Variants in CLIC5 observed in about 807,000 individuals in gnomAD.
CLIC5 encodes chloride intracellular channel protein 5.
Under a neutral mutation model 24.7 loss-of-function variants are expected in CLIC5, and 20 were observed. The observed-to-expected ratio is 0.81, with a 90% CI of 0.57 to 1.18. The LOEUF (loss-of-function observed/expected upper bound fraction) is 1.18, where lower values mean the gene tolerates loss of function less well. Among genes scored for constraint, CLIC5 ranks in the 50% most tolerant of loss-of-function variants. The pLI is 0.00. For missense variants in CLIC5, 341 were observed against 326.1 expected (o/e 1.05, Z -0.35); for synonymous variants, 159 against 135.6 (o/e 1.17, Z -1.20).
At chr6:46,040,615 G>A (rs577834707) in intron 1 of CLIC5, among the ~76,000 whole-genome samples, 2 of 152,100 alleles carry the variant, frequency 1.3e-5, no homozygotes, top group African/African-American at 2.4e-5. Flanking sequence ...GATGGTGGTG[G>A]TGGATGACGA....
At chr6:45,962,169 A>G (rs968517869) in intron 1 of CLIC5, among the ~76,000 whole-genome samples, 2 of 149,868 alleles carry the variant, frequency 1.3e-5, no homozygotes, top group Admixed American at 6.7e-5. Flanking sequence ...ATAACATAAT[A>G]TTATATATAT....
intron 1 of CLIC5, among the ~76,000 whole-genome samples, chr6:45,959,283 T>G (rs1183441439): frequency 6.6e-6 from 1 of 152,200 alleles, no homozygotes; most frequent in African/African-American, 2.4e-5. Context: ...GTTATTGATA[T>G]TTACCGTGTT....
At chr6:46,080,619 A>C (rs904707871), upstream of CLIC5, among the ~76,000 whole-genome samples, 2 of 152,146 alleles carry the variant, frequency 1.3e-5, no homozygotes, top group African/African-American at 4.8e-5. Flanking sequence ...TCATCAATAG[A>C]GCTCCCTCCT....
At chr6:46,038,106 A>G (rs1767712039) in intron 1 of CLIC5, among the ~76,000 whole-genome samples, 1 of 152,166 alleles carries the variant, frequency 6.6e-6, no homozygotes, top group African/African-American at 2.4e-5. Flanking sequence ...GCTATTCTTC[A>G]GTATTAGATA....
intron 6 of CLIC5, among the ~76,000 whole-genome samples, chr6:45,889,527 G>T (rs1299638975): frequency 6.6e-6 from 1 of 152,132 alleles, no homozygotes; most frequent in Non-Finnish European, 1.5e-5. Context: ...AGAAGGTGGG[G>T]CAGTAAGGGT....
intron 1 of CLIC5, among the ~76,000 whole-genome samples, chr6:46,057,785 G>A (rs1768301343): frequency 1.3e-5 from 2 of 152,196 alleles, no homozygotes; most frequent in South Asian, 4.1e-4. Context: ...TACACAATTA[G>A]TGGTGTTTAG....
intron 3 of CLIC5, 26 bp downstream of exon 3, chr6:45,949,229 CA>C: frequency 6.2e-7 from 1 of 1,605,560 alleles, no homozygotes; most frequent in South Asian, 1.1e-5. Flanking sequence ...TCCCATTCAA[CA>C]GCCCCAGAAA....
intron 1 of CLIC5, among the ~76,000 whole-genome samples, chr6:46,056,332 C>G (rs1267256371): frequency 6.6e-6 from 1 of 152,054 alleles, no homozygotes; most frequent in African/African-American, 2.4e-5. Context: ...AAAAAGTTCC[C>G]CTTCTGGACA....
chr6:46,080,339 A>G (rs1762893501), exon 1 of CLIC5: 4 of 1,058,724 alleles, frequency 3.8e-6, no homozygotes, highest in Non-Finnish European at 1.4e-6. Flanking sequence ...AGAGGAATCA[A>G]CGAGCTCTTA....
At chr6:46,032,356 G>A (rs1453679819) in intron 1 of CLIC5, among the ~76,000 whole-genome samples, 1 of 152,220 alleles carries the variant, frequency 6.6e-6, no homozygotes, top group East Asian at 1.9e-4. Context: ...GGGAATTGCA[G>A]TTCATGAGAT....
the CLIC5 span, among the ~76,000 whole-genome samples, chr6:46,098,144 C>T: frequency 6.6e-6 from 1 of 152,180 alleles, no homozygotes; most frequent in Non-Finnish European, 1.5e-5. Context: ...AAAGTTAAAA[C>T]ATCTTCAAAG....
intron 4 of CLIC5, among the ~76,000 whole-genome samples, chr6:45,915,017 A>C (rs1418230260): frequency 1.3e-5 from 2 of 150,044 alleles, no homozygotes; most frequent in Admixed American, 6.7e-5. Flanking sequence ...GCAACCTCCG[A>C]CTCCCTGGTT....
At chr6:46,119,635 C>T in the CLIC5 span, among the ~76,000 whole-genome samples, 1 of 152,260 alleles carries the variant, frequency 6.6e-6, no homozygotes, top group African/African-American at 2.4e-5. Context: ...CAGGGCGAGG[C>T]ATCGCCTCAT....
upstream of CLIC5, among the ~76,000 whole-genome samples, chr6:46,020,306 G>C (rs1202961950): frequency 1.3e-5 from 2 of 152,064 alleles, no homozygotes; most frequent in Non-Finnish European, 2.9e-5. Flanking sequence ...TGGAAATTAA[G>C]CAACACACTT....
intron 6 of CLIC5, among the ~76,000 whole-genome samples, chr6:45,887,232 T>C (rs1427198600): frequency 2.6e-5 from 4 of 152,216 alleles, no homozygotes; most frequent in Admixed American, 1.3e-4. Context: ...ATTTATTCCA[T>C]TTATTCTCTT....
chr6:45,966,796 C>G (rs750866253), intron 1 of CLIC5, among the ~76,000 whole-genome samples: 3 of 152,218 alleles, frequency 2.0e-5, no homozygotes, highest in Non-Finnish European at 4.4e-5. Context: ...TTGAGTTGTT[C>G]AGGGCATGGA....
intron 1 of CLIC5, among the ~76,000 whole-genome samples, chr6:45,958,443 T>TATATACACACACACACACACACACAC (rs70996359): frequency 2.2e-4 from 12 of 55,642 alleles, no homozygotes; most frequent in Non-Finnish European, 4.3e-4. Flanking sequence ...TATATATATA[T>TATATACACACACACACACACACACAC]ATATATATAT....
At position 45,993,094 on chromosome 6, in the gene CLIC5, A is replaced by C. The variant is rs1259508486; in HGVS notation, c.63+22386T>G. 2.0e-5 allele frequency among the ~76,000 whole-genome samples: 3 copies of C among 152,372 alleles called. No homozygotes were observed. The South Asian group carries it at 6.2e-4, about 32-fold the overall frequency. ...TTGTAGGAAACAGATGCTAGCAATT[A>C]GAAAACTGGAAAACTCCAGTTGGTC... On this transcript the variant is annotated intron_variant, in intron 1 of 5. Coordinates refer to ENST00000339561, the MANE Select transcript of CLIC5 (RefSeq NM_016929.5).
chr6:45,912,805 T>G, intron 5 of CLIC5: 1 of 1,138,994 alleles, frequency 8.8e-7, no homozygotes, highest in Admixed American at 2.0e-5. Flanking sequence ...CAAAGAGACA[T>G]AGATTGGCTG....
Sources: gnomAD v4.1 joint callset for allele counts (sites outside exome capture counted in the v4.1 genomes callset) on GRCh38, gnomAD v4.1.1 for gene constraint, MANE v1.5 for transcripts, NCBI Gene and HGNC (gene_info 2026-07-23, HGNC 2026-07-21) for gene names.